KDM5A: variants seen among roughly 807,000 people sequenced by gnomAD.
KDM5A encodes the protein lysine-specific demethylase 5A.
A neutral mutation model predicts 193.5 loss-of-function variants in KDM5A; 42 were observed. That is an observed-to-expected ratio of 0.22 (90% CI 0.17 to 0.28). The LOEUF is 0.28. Among genes scored for constraint, KDM5A ranks in the 10% least tolerant of loss-of-function variants. KDM5A has a pLI of 1.00. For missense variants in KDM5A, 1,692 were observed against 2,055.1 expected, an observed-to-expected ratio of 0.82 and a Z score of 3.42; for synonymous variants, 796 against 718.1, an observed-to-expected ratio of 1.11 and a Z score of -1.73.
chr12:387,100 G>C (rs556138586), intron 1 of KDM5A: 1 of 192,030 alleles, frequency 5.2e-6, no homozygotes, highest in African/African-American at 2.4e-5. Flanking sequence ...CGCAGAACAA[G>C]GACAATTTCC....
chr12:336,043 C>CAAAAAAAAA (rs753624871), intron 10 of KDM5A, among the ~76,000 whole-genome samples: 1 of 42,018 alleles, frequency 2.4e-5, no homozygotes, highest in Non-Finnish European at 4.5e-5. Context: ...TACTTCATCT[C>CAAAAAAAAA]AAAAAAAAAA....
intron 1 of KDM5A, 71 bp downstream of exon 1, chr12:388,856 G>A: frequency 6.6e-7 from 1 of 1,520,010 alleles, no homozygotes; most frequent in Admixed American, 1.7e-5. Flanking sequence ...GATCAGAAAA[G>A]TAAAGCTAAA....
At chr12:336,586 CAA>C (rs1943936331) in intron 10 of KDM5A, among the ~76,000 whole-genome samples, 1 of 151,980 alleles carries the variant, frequency 6.6e-6, no homozygotes, top group Non-Finnish European at 1.5e-5. Context: ...GGTCTACAAA[CAA>C]AAAGAACACT....
In KDM5A at chr12:281,069, A is replaced by AC. The variant is rs1306487921; in HGVS notation, c.*4386_*4387insG. On this transcript the variant is annotated 3_prime_UTR_variant, in exon 28 of 28. Coordinates refer to ENST00000399788, the MANE Select transcript of KDM5A (RefSeq NM_001042603.3). Reference sequence around the variant, plus strand: ...GCCACCAATGTAAATGACAGGGGTTAGGGTGGGTATGGGTGTGGGGAACCT... The same window carrying AC: ...GCCACCAATGTAAATGACAGGGGTTACGGGTGGGTATGGGTGTGGGGAACCT... 4.3e-6 allele frequency: 1 copy of AC among 231,788 alleles called. No homozygotes were observed. The highest frequency in any genetic ancestry group is 2.2e-5 in the African/African-American group (1 of 45,288). 14.4% of individuals were successfully genotyped at this position (231,788 alleles called of 1,614,324 possible). A position where few individuals can be genotyped will look rare whatever the true frequency, so the allele number is the denominator to read the frequency against.
chr12:323,645 T>C lies in KDM5A; in HGVS notation c.2105A>G (p.His702Arg). 6.2e-7 allele frequency: 1 copy of C among 1,614,184 alleles called. No homozygotes were observed. The highest frequency in any genetic ancestry group is 1.3e-5 in the African/African-American group (1 of 75,050). The change falls in exon 15 of 28, where the codon CAT (histidine) becomes CGT (arginine). Residue 702 changes from histidine to arginine, a missense_variant. By Grantham distance (29) the His-to-Arg change is conservative. Around this residue, in one of 11 missense-constraint regions of KDM5A, gnomAD observed 88 missense variants for 124.6 expected, o/e 0.71. Transcript: ENST00000399788. Reference protein sequence around the residue: ...CNPERLVCLYHPTDLCPCPMQ... With the variant: ...CNPERLVCLYRPTDLCPCPMQ... ...GGGGCAGGGGCACAGATCAGTTGGA[T>C]GGTAGAGACATACAAGCCGCTCAGG...
chr12:346,284 C>CA (rs1313364396), intron 10 of KDM5A, among the ~76,000 whole-genome samples: 2 of 152,046 alleles, frequency 1.3e-5, no homozygotes, highest in Non-Finnish European at 2.9e-5. Flanking sequence ...GCCTACCAAA[C>CA]AAAAAAAGTC....
At chr12:344,898 TC>T (rs1194183355) in intron 10 of KDM5A, among the ~76,000 whole-genome samples, 1 of 152,058 alleles carries the variant, frequency 6.6e-6, no homozygotes, top group Admixed American at 6.6e-5. Flanking sequence ...AATGACAGGA[TC>T]AAATTCACAC....
At chr12:313,962 A>T (rs1943619805) in intron 19 of KDM5A, among the ~76,000 whole-genome samples, 1 of 152,156 alleles carries the variant, frequency 6.6e-6, no homozygotes, top group Admixed American at 6.5e-5. Flanking sequence ...GTTTGCGATT[A>T]GGGGGTGATG....
intron 10 of KDM5A, among the ~76,000 whole-genome samples, chr12:336,813 C>A (rs968921063): frequency 5.5e-5 from 8 of 144,984 alleles, no homozygotes; most frequent in Non-Finnish European, 1.2e-4. Flanking sequence ...CCAGCCTGGG[C>A]AACAGAGCGA....
intron 20 of KDM5A, 184 bp from the exon 21 acceptor site, chr12:311,248 T>A: frequency 1.6e-6 from 1 of 625,244 alleles, no homozygotes; most frequent in Non-Finnish European, 2.8e-6. Context: ...TGTAAATTAT[T>A]TTTTTAATGA....
chr12:304,599 T>C (rs750643082), intron 24 of KDM5A, among the ~76,000 whole-genome samples: 7 of 152,070 alleles, frequency 4.6e-5, no homozygotes, highest in Non-Finnish European at 7.4e-5. Flanking sequence ...GTCAAATACA[T>C]TGCTAACACT....
intron 1 of KDM5A, chr12:387,340 A>C (rs76546019): frequency 0.032 from 8,358 of 263,202 alleles, 571 homozygotes; most frequent in South Asian, 0.16. Flanking sequence ...AGAAAGCATT[A>C]TTTCAGCATT....
At chr12:378,547 G>A (rs994174006) in intron 3 of KDM5A, among the ~76,000 whole-genome samples, 2 of 152,098 alleles carry the variant, frequency 1.3e-5, no homozygotes, top group South Asian at 2.1e-4. Context: ...TTACAAGTAT[G>A]AGCCCACTAT....
chr12:330,010 C>A (rs1043720108), intron 13 of KDM5A, among the ~76,000 whole-genome samples: 2 of 151,078 alleles, frequency 1.3e-5, no homozygotes, highest in Non-Finnish European at 2.9e-5. Flanking sequence ...CTGAATTATG[C>A]AGTGTTTCCA....
At chr12:320,884 G>GAAA in intron 18 of KDM5A, 111 bp downstream of exon 18, 1 of 739,448 alleles carries the variant, frequency 1.4e-6, no homozygotes, top group Non-Finnish European at 2.4e-6. Flanking sequence ...ATATGTGAGA[G>GAAA]AAAAAAAAAA....
In KDM5A at chr12:330,059, G is replaced by GTA. The variant is rs1164893978; in HGVS notation, c.1774-1031_1774-1030insTA. ...AAAAACTTTCCAAAGGAAAAAGTGT[G>GTA]TGTGTGTGTGTGTGTGTGTGTGTGT... is the stretch of plus-strand genomic sequence containing the variant. On this transcript the variant is annotated intron_variant, in intron 13 of 27. Transcript: ENST00000399788. Among the ~76,000 whole-genome samples, 1,045 of 120,148 alleles carry GTA rather than the reference G, an allele frequency of 8.7e-3. 7 individuals are homozygous for GTA. The highest frequency in any genetic ancestry group is 0.038 in the African/African-American group (972 of 25,256). The allele number at this position is 120,148 out of a possible 152,430, so 78.8% of individuals were successfully genotyped here.
intron 10 of KDM5A, among the ~76,000 whole-genome samples, chr12:338,231 C>T (rs1330341789): frequency 6.6e-6 from 1 of 152,190 alleles, no homozygotes; most frequent in African/African-American, 2.4e-5. Flanking sequence ...AAGAGTGGCT[C>T]ACAATGCCCC....
Position 333,659 on chromosome 12 carries a change from G to A in KDM5A, c.1491-10C>T. 2 of 1,613,780 alleles carry A rather than the reference G, an allele frequency of 1.2e-6. No individual in the cohort carries two copies. The highest frequency in any genetic ancestry group is 1.7e-6 in the Non-Finnish European group (2 of 1,179,710). ...TGTCTTTGGCTCCCCCCTAGCAAAA[G>A]AAGTAACTGTTTAGCTAGGCAGAAC... On this transcript the variant is annotated splice_polypyrimidine_tract_variant and intron_variant, in intron 11 of 27. Coordinates refer to ENST00000399788, the MANE Select transcript of KDM5A (RefSeq NM_001042603.3).
At chr12:369,074 A>G (rs574875106) in intron 3 of KDM5A, among the ~76,000 whole-genome samples, 20 of 152,364 alleles carry the variant, frequency 1.3e-4, no homozygotes, top group African/African-American at 4.6e-4. Flanking sequence ...ATGATCTAAA[A>G]GCTTGGTAGA....
Sources: gnomAD v4.1 joint callset for allele counts (sites outside exome capture counted in the v4.1 genomes callset) on GRCh38, gnomAD v4.1.1 for gene constraint, gnomAD v4.1.1 regional missense constraint, MANE v1.5 for transcripts, NCBI Gene and HGNC (gene_info 2026-07-23, HGNC 2026-07-21) for gene names.